MED17: variants seen among roughly 807,000 people sequenced by gnomAD.
MED17 encodes the protein mediator complex subunit 17.
Under a neutral mutation model 80.8 loss-of-function variants are expected in MED17, and 49 were observed. That is an observed-to-expected ratio of 0.61 (90% CI 0.48 to 0.77). The LOEUF is 0.77. MED17 is among the 30% of genes least tolerant of loss of function. MED17 has a pLI of 0.00. For missense variants in MED17, 718 were observed against 787.0 expected (o/e 0.91, Z 1.05); for synonymous variants, 281 against 280.4 (o/e 1.00, Z -0.02).
At chr11:93,787,869 C>A in intron 1 of MED17, 132 bp from the exon 2 acceptor site, 1 of 798,134 alleles carries the variant, frequency 1.3e-6, no homozygotes, top group South Asian at 1.5e-5. Flanking sequence ...GAGGAGATGG[C>A]ATAAATAAGA....
intron 10 of MED17, chr11:93,808,341 G>GGTGACA (rs1430852272): frequency 7.1e-6 from 1 of 141,236 alleles, no homozygotes; most frequent in Non-Finnish European, 1.5e-5. Context: ...TTCAGCCCAG[G>GGTGACA]GTGACAGAGC....
chr11:93,790,549 T>C, intron 2 of MED17, 25 bp from the exon 3 acceptor site: 2 of 1,591,992 alleles, frequency 1.3e-6, no homozygotes, highest in Non-Finnish European at 1.7e-6. Context: ...CCTGCAGAAC[T>C]GCATGTTTGG....
rs942699336 is a variant in MED17 at position 93,784,454 on chromosome 11, C to A, written c.-60C>A. On this transcript the variant is annotated 5_prime_UTR_variant, in exon 1 of 12. Transcript: ENST00000251871. ...CCGGCTCTCCGCAGGGAAGCCTCCTCTTCGTACCTCGTTTTTTGGCTCGTG... is the reference window on the plus strand; with the variant it reads ...CCGGCTCTCCGCAGGGAAGCCTCCTATTCGTACCTCGTTTTTTGGCTCGTG... The A allele has an allele frequency of 6.4e-7, 1 of 1,552,150 alleles. No homozygotes were observed. Among genetic ancestry groups the A allele is most frequent in the African/African-American group, 1.4e-5 (1 of 73,786 alleles).
chr11:93,804,034 C>CTTT (rs1943998055), intron 9 of MED17, among the ~76,000 whole-genome samples: 1 of 82,156 alleles, frequency 1.2e-5, no homozygotes, highest in East Asian at 6.7e-4. Flanking sequence ...TATACACACA[C>CTTT]ACATATACAC....
At chr11:93,788,802 A>G (rs534239963) in intron 2 of MED17, 13 of 152,344 alleles carry the variant, frequency 8.5e-5, no homozygotes, top group African/African-American at 2.6e-4. Context: ...TGGCTTTGGA[A>G]TCAGGTAGAC....
intron 6 of MED17, chr11:93,795,922 C>G (rs1046433476): frequency 6.0e-6 from 1 of 165,906 alleles, no homozygotes; most frequent in Non-Finnish European, 1.3e-5. Context: ...TGTTAAAATA[C>G]GTGGTAGCTT....
At chr11:93,790,206 G>A (rs540267194) in intron 2 of MED17, 1 of 343,744 alleles carries the variant, frequency 2.9e-6, no homozygotes, top group East Asian at 7.4e-5. Context: ...ATGTTAATCA[G>A]AAGTATAATG....
In MED17 at chr11:93,813,001, C is replaced by G. The variant is rs191653900; in HGVS notation, c.*937C>G. Reference sequence around the variant, plus strand: ...CCACCCAGCAGCCCTGGATTGCTTTCTCCAATTAAGGCCTTTCCATCAGCT... The same window carrying G: ...CCACCCAGCAGCCCTGGATTGCTTTGTCCAATTAAGGCCTTTCCATCAGCT... On this transcript the variant is annotated 3_prime_UTR_variant, in exon 12 of 12. Transcript: ENST00000251871. 1 of 152,438 alleles carries G rather than the reference C, an allele frequency of 6.6e-6. No individual in the cohort carries two copies. Among genetic ancestry groups the G allele is most frequent in the East Asian group, 1.9e-4 (1 of 5,180 alleles). 9.4% of individuals were successfully genotyped at this position (152,438 alleles called of 1,614,324 possible). A position where few individuals can be genotyped will look rare whatever the true frequency, so the allele number is the denominator to read the frequency against.
chr11:93,808,955 A>G (rs1944058452), intron 10 of MED17: 1 of 153,264 alleles, frequency 6.5e-6, no homozygotes, highest in Non-Finnish European at 1.5e-5. Context: ...CCCCCATTGT[A>G]TCAGTCAGAG....
At position 93,812,445 on chromosome 11, in the gene MED17, C is replaced by CTT. The variant is rs553014429; in HGVS notation, c.*391_*392dup. On this transcript the variant is annotated 3_prime_UTR_variant, in exon 12 of 12. Transcript: ENST00000251871. ...TTTTTCCCCCCAAATACTTTCTAAA[C>CTT]TTTTTTTTTTTGAGATGGTATCTCA... 768 of 351,794 alleles carry CTT rather than the reference C, an allele frequency of 2.2e-3. No homozygotes were observed. Among genetic ancestry groups the CTT allele is most frequent in the South Asian group, 3.8e-3 (83 of 21,792 alleles). The allele number at this position is 351,794 out of a possible 1,614,324, so 21.8% of individuals were successfully genotyped here.
At chr11:93,797,463 C>T (rs1004518949) in intron 7 of MED17, 72 bp from the exon 8 acceptor site, 24 of 1,397,364 alleles carry the variant, frequency 1.7e-5, no homozygotes, top group Non-Finnish European at 2.4e-5. Flanking sequence ...TTTCTGTCAA[C>T]CATGTTTTGA....
chr11:93,797,155 T>C, intron 7 of MED17: 2 of 240,180 alleles, frequency 8.3e-6, no homozygotes, highest in South Asian at 1.1e-4. Context: ...TTTATGAGAC[T>C]CAGTGAAGAG....
chr11:93,794,824 T>C (rs1428074850), intron 5 of MED17, 84 bp from the exon 6 acceptor site: 17 of 1,404,844 alleles, frequency 1.2e-5, no homozygotes, highest in Non-Finnish European at 1.7e-5. Flanking sequence ...CCTAAACTTT[T>C]GTCATATGTA....
chr11:93,788,448 A>G (rs1310516633), intron 2 of MED17: 7 of 295,686 alleles, frequency 2.4e-5, no homozygotes, highest in South Asian at 1.6e-4. Flanking sequence ...TTGGGAGGCC[A>G]AGGCGGGCAG....
At chr11:93,793,344 T>A (rs2135712772) in intron 3 of MED17, 1 of 215,212 alleles carries the variant, frequency 4.6e-6, no homozygotes, top group Admixed American at 5.4e-5. Context: ...CTTGAACTCC[T>A]GACCTCAGGT....
rs371456315 is a variant in MED17, at chr11:93,807,447, C to T, written c.1467-71C>T. The T allele has an allele frequency of 2.8e-5, 25 of 882,446 alleles. No individual in the cohort carries two copies. In the Middle Eastern group the frequency reaches 1.1e-3, roughly 38 times the overall value. The allele number at this position is 882,446 out of a possible 1,614,324, so 54.7% of individuals were successfully genotyped here. A position where few individuals can be genotyped will look rare whatever the true frequency, so the allele number is the denominator to read the frequency against. ...ATAATATTTTCTAATTTGATGTTAA[C>T]GTTTATTATTTATGAAATTGTATAA... On this transcript the variant is annotated intron_variant, in intron 9 of 11. Transcript: ENST00000251871.
intron 7 of MED17, chr11:93,796,842 T>C (rs1001280822): frequency 2.6e-6 from 1 of 384,534 alleles, no homozygotes; most frequent in African/African-American, 2.1e-5. Flanking sequence ...GGAAAATGTC[T>C]TGCCAGAGTC....
Position 93,786,043 on chromosome 11 carries a change from T to C in MED17, c.250+1280T>C, listed in dbSNP as rs143573957. Among the ~76,000 whole-genome samples the C allele has an allele frequency of 1.2e-3, 188 of 152,254 alleles. 1 individual carries two copies. Among genetic ancestry groups the C allele is most frequent in the African/African-American group, 4.1e-3 (171 of 41,546 alleles). The stretch of plus-strand genomic sequence containing the variant: ...ACACACCTACCTACCTTACAAAGTA[T>C]AGATATATTACTTACATAAAATTTA... On this transcript the variant is annotated intron_variant, in intron 1 of 11. Transcript: ENST00000251871.
intron 9 of MED17, among the ~76,000 whole-genome samples, chr11:93,805,687 G>A (rs973420233): frequency 1.3e-5 from 2 of 152,172 alleles, no homozygotes; most frequent in African/African-American, 4.8e-5. Context: ...AAGAAACCCT[G>A]TTCCTTCACA....
Sources: allele counts gnomAD v4.1 joint callset (sites outside exome capture counted in the v4.1 genomes callset), GRCh38; gene constraint gnomAD v4.1.1; transcripts MANE v1.5; gene names NCBI Gene and HGNC (gene_info 2026-07-23, HGNC 2026-07-21).